LMO7: variants seen among roughly 807,000 people sequenced by gnomAD.
LMO7 encodes the protein LIM domain 7.
Under a neutral mutation model 206.5 loss-of-function variants are expected in LMO7, and 120 were observed. The observed-to-expected ratio is 0.58, with a 90% CI of 0.50 to 0.68. LMO7 has a LOEUF of 0.68. LMO7 is among the 30% of genes least tolerant of loss of function. LMO7 has a pLI of 0.00. For missense variants in LMO7, 1,959 were observed against 1,957.9 expected (o/e 1.00, Z -0.01); for synonymous variants, 706 against 681.5 (o/e 1.04, Z -0.56).
chr13:75,829,197 C>G (rs2058419067), intron 15 of LMO7, among the ~76,000 whole-genome samples: 1 of 152,070 alleles, frequency 6.6e-6, no homozygotes, highest in African/African-American at 2.4e-5. Context: ...AAAAGAGGAA[C>G]ATGCTAATGA....
At chr13:75,771,280 G>T (rs1247383914) in intron 4 of LMO7, among the ~76,000 whole-genome samples, 1 of 152,090 alleles carries the variant, frequency 6.6e-6, no homozygotes, top group Non-Finnish European at 1.5e-5. Flanking sequence ...GAATAGAAGA[G>T]ATGTAGTACA....
intron 1 of LMO7, among the ~76,000 whole-genome samples, chr13:75,645,451 T>C (rs561612214): frequency 1.2e-4 from 19 of 152,298 alleles, no homozygotes; most frequent in African/African-American, 4.6e-4. Context: ...AGTTTGAGGC[T>C]GCGGTGAGCT....
At chr13:75,821,873 T>C (rs2057608187) in intron 14 of LMO7, among the ~76,000 whole-genome samples, 1 of 152,210 alleles carries the variant, frequency 6.6e-6, no homozygotes, top group African/African-American at 2.4e-5. Context: ...GGCAGAGTAT[T>C]ATTTTATAAT....
chr13:75,833,106 A>C lies in LMO7; in HGVS notation c.3005A>C (p.Asp1002Ala), dbSNP rs1196663569. The C allele has an allele frequency of 3.1e-6, 5 of 1,612,030 alleles. No individual in the cohort carries two copies. The highest frequency in any genetic ancestry group is 4.5e-5 in the East Asian group (2 of 44,858). The change falls in exon 16 of 31, where the codon GAC becomes GCC. Residue 1002 changes from aspartate to alanine, a missense_variant. Asp to Ala is a moderately radical substitution (Grantham distance 126, BLOSUM62 -2). Coordinates refer to ENST00000377534, the MANE Select transcript of LMO7 (RefSeq NM_001306080.2). The stretch of plus-strand genomic sequence containing the variant: ...AACCAGACGCCTGGGAAGAGTCTTG[A>C]CTTTGGGTTTACAATAAAATGGGAT... ...SINQTPGKSL[D>A]FGFTIKWDIP...
At chr13:75,837,411 C>T (rs536532719) in intron 19 of LMO7, among the ~76,000 whole-genome samples, 13 of 152,228 alleles carry the variant, frequency 8.5e-5, no homozygotes, top group South Asian at 2.1e-4. Context: ...AGCTCTATGA[C>T]GACTAGGGGA....
intron 1 of LMO7, among the ~76,000 whole-genome samples, chr13:75,647,947 C>CTTTCTT (rs1255087687): frequency 2.1e-4 from 5 of 24,074 alleles, no homozygotes; most frequent in South Asian, 3.5e-3. Flanking sequence ...GTTTTCTTTT[C>CTTTCTT]TTTCTTTTTT....
At chr13:75,688,600 A>AC (rs1264420366) in intron 1 of LMO7, 4 of 152,304 alleles carry the variant, frequency 2.6e-5, no homozygotes, top group South Asian at 4.2e-4. Flanking sequence ...CTTTGCATTA[A>AC]CCCCCCATGG....
At chr13:75,697,032 C>T (rs747192996) in intron 1 of LMO7, among the ~76,000 whole-genome samples, 23 of 152,074 alleles carry the variant, frequency 1.5e-4, no homozygotes, top group Non-Finnish European at 2.4e-4. Flanking sequence ...CACATGTGCA[C>T]GGGTTGGAAC....
At chr13:75,785,625 A>G (rs1332111182) in intron 4 of LMO7, among the ~76,000 whole-genome samples, 3 of 152,214 alleles carry the variant, frequency 2.0e-5, no homozygotes, top group Non-Finnish European at 2.9e-5. Context: ...GGTCTTTGTT[A>G]TAGGACTTCT....
At chr13:75,827,035 C>T (rs574519511) in intron 15 of LMO7, among the ~76,000 whole-genome samples, 19 of 152,120 alleles carry the variant, frequency 1.2e-4, no homozygotes, top group Non-Finnish European at 2.6e-4. Context: ...CATGATGTCA[C>T]CCCTCCCCCA....
At chr13:75,760,428 A>C in intron 3 of LMO7, 1 of 1,118,980 alleles carries the variant, frequency 8.9e-7, no homozygotes, top group Admixed American at 4.5e-5. Context: ...CCCAGATTCC[A>C]GGTGTGGTAT....
intron 15 of LMO7, among the ~76,000 whole-genome samples, chr13:75,829,895 A>G (rs1344151070): frequency 6.6e-6 from 1 of 152,156 alleles, no homozygotes; most frequent in Non-Finnish European, 1.5e-5. Context: ...TGCTCAAGTT[A>G]TACCTAATTT....
intron 1 of LMO7, among the ~76,000 whole-genome samples, chr13:75,698,531 C>T (rs575794985): frequency 4.9e-4 from 74 of 151,708 alleles, no homozygotes; most frequent in African/African-American, 1.7e-3. Context: ...TTCAAGTGAT[C>T]CTTCTACTTG....
intron 1 of LMO7, among the ~76,000 whole-genome samples, chr13:75,662,990 C>T (rs2139282042): frequency 6.6e-6 from 1 of 152,280 alleles, no homozygotes; most frequent in East Asian, 1.9e-4. Flanking sequence ...GAAACGAAAG[C>T]CCACTTAAGG....
At chr13:75,661,955 A>G (rs1003052667) in intron 1 of LMO7, among the ~76,000 whole-genome samples, 3 of 152,174 alleles carry the variant, frequency 2.0e-5, no homozygotes, top group African/African-American at 7.2e-5. Flanking sequence ...TTGTATGTGG[A>G]ATTTATAACC....
At chr13:75,819,365 G>C in intron 12 of LMO7, 28 bp from the exon 13 acceptor site, 1 of 1,572,132 alleles carries the variant, frequency 6.4e-7, no homozygotes, top group Non-Finnish European at 8.6e-7. Context: ...ATTCAGGTGT[G>C]CCCCTGCTGA....
chr13:75,639,196 T>C (rs1186356928), intron 1 of LMO7, among the ~76,000 whole-genome samples: 1 of 152,146 alleles, frequency 6.6e-6, no homozygotes, highest in Non-Finnish European at 1.5e-5. Context: ...ACAACCAAAG[T>C]TTATTTTTTA....
At chr13:75,686,078 C>G (rs1395638150) in intron 1 of LMO7, among the ~76,000 whole-genome samples, 1 of 151,812 alleles carries the variant, frequency 6.6e-6, no homozygotes. Context: ...GTGGTCTCAC[C>G]ATGTTGTCCA....
intron 3 of LMO7, among the ~76,000 whole-genome samples, chr13:75,727,776 T>G (rs1468391228): frequency 1.1e-5 from 1 of 91,406 alleles, no homozygotes; most frequent in South Asian, 4.2e-4. Flanking sequence ...CCCTCCCCCC[T>G]CCCCCAACCC....
Sources: gnomAD v4.1 joint callset for allele counts (sites outside exome capture counted in the v4.1 genomes callset) on GRCh38, gnomAD v4.1.1 for gene constraint, MANE v1.5 for transcripts, NCBI Gene and HGNC (gene_info 2026-07-23, HGNC 2026-07-21) for gene names.